Variants in ARMC3 observed in about 807,000 individuals in gnomAD.
ARMC3 encodes the protein armadillo repeat containing 3.
ARMC3 carries 74 observed loss-of-function variants against 90.3 expected under a neutral mutation model. The observed-to-expected ratio is 0.82, with a 90% confidence interval of 0.68 to 0.99. The LOEUF (loss-of-function observed/expected upper bound fraction) is 0.99, where lower values mean the gene tolerates loss of function less well. Among genes scored for constraint, ARMC3 ranks in the 50% least tolerant of loss-of-function variants. The probability of loss-of-function intolerance (pLI) is 0.00; values close to 1 mark genes in which losing one functional copy is unlikely to be tolerated. For synonymous variants in ARMC3, 334 were observed against 361.8 expected (o/e 0.92, Z 0.87); for missense variants, 958 against 1,042.8 (o/e 0.92, Z 1.12).
chr10:22,980,942 T>G (rs1836157387), intron 8 of ARMC3, among the ~76,000 whole-genome samples: 1 of 152,236 alleles, frequency 6.6e-6, no homozygotes, highest in South Asian at 2.1e-4. Context: ...TCTTAGGCAT[T>G]CTTCCAATAT....
chr10:22,990,801 ATT>A (rs1417492421), intron 10 of ARMC3, among the ~76,000 whole-genome samples: 2 of 152,006 alleles, frequency 1.3e-5, no homozygotes, highest in Non-Finnish European at 2.9e-5. Context: ...CCCACCAGAA[ATT>A]TCCCTTGTGC....
At chr10:22,999,597 T>G (rs190879804) in intron 11 of ARMC3, among the ~76,000 whole-genome samples, 5 of 152,222 alleles carry the variant, frequency 3.3e-5, no homozygotes, top group African/African-American at 1.2e-4. Flanking sequence ...TTACATGCAT[T>G]TAAGCCTCAT....
At chr10:22,989,902 C>A (rs1200962082) in intron 10 of ARMC3, among the ~76,000 whole-genome samples, 1 of 152,210 alleles carries the variant, frequency 6.6e-6, no homozygotes, top group Non-Finnish European at 1.5e-5. Flanking sequence ...TGCAATAGAA[C>A]AAGTGGATTC....
intron 8 of ARMC3, among the ~76,000 whole-genome samples, chr10:22,978,362 G>C (rs1030404953): frequency 6.6e-6 from 1 of 152,314 alleles, no homozygotes; most frequent in African/African-American, 2.4e-5. Flanking sequence ...CAGCAAAGGG[G>C]AGAAGCCCCT....
At chr10:22,970,931 T>C (rs1835655400) in intron 8 of ARMC3, among the ~76,000 whole-genome samples, 1 of 152,216 alleles carries the variant, frequency 6.6e-6, no homozygotes, top group Admixed American at 6.5e-5. Flanking sequence ...TCTTCATCAT[T>C]TTTAAGTGTA....
intron 12 of ARMC3, among the ~76,000 whole-genome samples, chr10:23,002,567 TTTC>T (rs1837350904): frequency 7.2e-6 from 1 of 138,318 alleles, no homozygotes; most frequent in Admixed American, 6.9e-5. Flanking sequence ...TCTTTCTTTC[TTTC>T]TTTCTTTCTT....
At chr10:22,934,565 C>T (rs768549094) in intron 2 of ARMC3, among the ~76,000 whole-genome samples, 11 of 152,252 alleles carry the variant, frequency 7.2e-5, no homozygotes, top group Middle Eastern at 3.4e-3. Flanking sequence ...TAGTATAAGG[C>T]GAGATATTCA....
intron 4 of ARMC3, among the ~76,000 whole-genome samples, chr10:22,958,624 C>T (rs895925065): frequency 6.6e-6 from 1 of 152,110 alleles, no homozygotes; most frequent in Non-Finnish European, 1.5e-5. Flanking sequence ...ACCTGCCCCA[C>T]CACTTGCTTT....
At chr10:22,954,604 C>T (rs1026853492) in intron 3 of ARMC3, among the ~76,000 whole-genome samples, 1 of 147,638 alleles carries the variant, frequency 6.8e-6, no homozygotes, top group African/African-American at 2.5e-5. Flanking sequence ...CCGAGGAGGT[C>T]GAGACTGCAG....
chr10:22,936,998 G>A (rs1834135645), intron 2 of ARMC3, among the ~76,000 whole-genome samples: 1 of 152,102 alleles, frequency 6.6e-6, no homozygotes, highest in African/African-American at 2.4e-5. Flanking sequence ...CCACCTCCCA[G>A]CTCAACTGAT....
At chr10:23,037,235 AC>A (rs756246994) in intron 18 of ARMC3, 34 bp from the exon 19 acceptor site, 49 of 1,518,220 alleles carry the variant, frequency 3.2e-5, no homozygotes, top group Non-Finnish European at 4.4e-5. Context: ...CCTCTCCCGC[AC>A]CACCCTTGGT....
intron 2 of ARMC3, among the ~76,000 whole-genome samples, chr10:22,945,036 A>G (rs1834471381): frequency 1.3e-5 from 2 of 152,182 alleles, no homozygotes; most frequent in African/African-American, 4.8e-5. Flanking sequence ...TGGGTGCTAG[A>G]CAATGCCGTT....
intron 16 of ARMC3, among the ~76,000 whole-genome samples, chr10:23,016,699 T>C (rs143763497): frequency 5.9e-5 from 9 of 152,374 alleles, no homozygotes; most frequent in South Asian, 2.1e-4. Context: ...TGCTTCTATT[T>C]ATAGCAATAA....
chr10:22,958,922 C>A lies in ARMC3; in HGVS notation c.293-148C>A, dbSNP rs1285381837. ...ATTTTTAGTAGGGTAGGGGTTTCAC[C>A]ATGTTGGCTAGGCTGGTCTCGAACT... On this transcript the variant is annotated intron_variant, in intron 4 of 18. Transcript: ENST00000298032. 1.5e-5 allele frequency: 9 copies of A among 582,424 alleles called. No individual in the cohort carries two copies. In the African/African-American group the frequency reaches 1.7e-4, roughly 11 times the overall value. 36.1% of individuals were successfully genotyped at this position (582,424 alleles called of 1,614,324 possible). A position where few individuals can be genotyped will look rare whatever the true frequency, so the allele number is the denominator to read the frequency against.
At chr10:22,962,165 T>C (rs1047828793) in intron 7 of ARMC3, 87 bp downstream of exon 7, 86 of 998,266 alleles carry the variant, frequency 8.6e-5, no homozygotes, top group Non-Finnish European at 1.2e-4. Flanking sequence ...ACTTAACGTG[T>C]ATTAAGTGTA....
At chr10:23,017,074 A>G (rs1257251950) in intron 16 of ARMC3, among the ~76,000 whole-genome samples, 3 of 59,532 alleles carry the variant, frequency 5.0e-5, no homozygotes, top group African/African-American at 1.5e-4. Flanking sequence ...TGTCCAATTT[A>G]TTATTTTTTT....
At chr10:22,944,140 A>G (rs1834430235) in intron 2 of ARMC3, among the ~76,000 whole-genome samples, 1 of 152,200 alleles carries the variant, frequency 6.6e-6, no homozygotes, top group South Asian at 2.1e-4. Flanking sequence ...ACGCCTGAAC[A>G]TCTGAATGAC....
intron 3 of ARMC3, among the ~76,000 whole-genome samples, chr10:22,947,157 T>A (rs1338725865): frequency 6.6e-6 from 1 of 151,624 alleles, no homozygotes; most frequent in African/African-American, 2.4e-5. Flanking sequence ...AATAGAAACA[T>A]TAGCCAGGTA....
chr10:22,996,634 C>A (rs1239463155), intron 10 of ARMC3, among the ~76,000 whole-genome samples: 1 of 152,164 alleles, frequency 6.6e-6, no homozygotes, highest in African/African-American at 2.4e-5. Context: ...GTGACACCAA[C>A]TGAGCCCTTC....
Sources: allele counts gnomAD v4.1 joint callset (sites outside exome capture counted in the v4.1 genomes callset), GRCh38; gene constraint gnomAD v4.1.1; transcripts MANE v1.5; gene names NCBI Gene and HGNC (gene_info 2026-07-23, HGNC 2026-07-21).